The following ANKRD26 variants were observed in gnomAD, a reference collection of about 807,000 sequenced individuals.
ANKRD26 encodes ankyrin repeat domain-containing protein 26.
In ANKRD26, 141 loss-of-function variants were observed where a neutral mutation model predicts 208.7. The ratio of observed to expected loss-of-function variants is 0.68; its 90% confidence interval spans 0.59 to 0.78. The LOEUF (loss-of-function observed/expected upper bound fraction) is 0.78. Ranked by LOEUF, ANKRD26 falls within the 30% of genes least tolerant of loss-of-function variation. The pLI, the probability that ANKRD26 is intolerant of heterozygous loss-of-function variation, is 0.00. For synonymous variants in ANKRD26, 636 were observed against 660.4 expected (o/e 0.96, Z 0.57); for missense variants, 1,889 against 1,938.7 (o/e 0.97, Z 0.48).
chr10:27,059,529 A>G (rs2054970944), intron 15 of ANKRD26, among the ~76,000 whole-genome samples: 2 of 152,350 alleles, frequency 1.3e-5, no homozygotes, highest in African/African-American at 2.4e-5. Flanking sequence ...ACCTCTATGC[A>G]ATAATTTTTA....
At chr10:26,993,022 T>C (rs1299500244) in intron 5 of ANKRD26, among the ~76,000 whole-genome samples, 2 of 152,210 alleles carry the variant, frequency 1.3e-5, no homozygotes, top group African/African-American at 4.8e-5. Context: ...GTGTCTATCA[T>C]TTAGGACCTT....
chr10:26,978,413 G>A (rs1319459869), intron 5 of ANKRD26, among the ~76,000 whole-genome samples: 1 of 152,144 alleles, frequency 6.6e-6, no homozygotes, highest in East Asian at 1.9e-4. Context: ...CCAAGATCAT[G>A]CCACTGCACT....
the ANKRD26 span, among the ~76,000 whole-genome samples, chr10:26,951,019 C>CTTTTTTTTTTTTTTTT: frequency 8.9e-4 from 43 of 48,514 alleles, no homozygotes; most frequent in Non-Finnish European, 1.7e-3. Flanking sequence ...TTTTCTTTTT[C>CTTTTTTTTTTTTTTTT]TTTTTTTTTT....
intron 27 of ANKRD26, among the ~76,000 whole-genome samples, chr10:27,026,631 G>C (rs1190037838): frequency 1.3e-5 from 2 of 152,078 alleles, no homozygotes; most frequent in African/African-American, 4.8e-5. Flanking sequence ...GCAACCTTCT[G>C]ATCTTCATTT....
chr10:27,023,224 G>C (rs1221216895), intron 28 of ANKRD26, among the ~76,000 whole-genome samples: 1 of 152,032 alleles, frequency 6.6e-6, no homozygotes, highest in Non-Finnish European at 1.5e-5. Flanking sequence ...AGCTATTCAG[G>C]AGGCTGAGTT....
In ANKRD26 at chr10:27,053,319, C is replaced by T; in HGVS notation, c.1635+1G>A. 1 of 1,598,614 alleles carries T rather than the reference C, an allele frequency of 6.3e-7. No individual in the cohort carries two copies. The highest frequency in any genetic ancestry group is 8.6e-7 in the Non-Finnish European group (1 of 1,168,634). ...CAGAAATTTTTAAAAATATATAATA[C>T]CTGTGGCTGGTTATTTTCACTCCCT... On this transcript the variant is annotated splice_donor_variant, in intron 16 of 33. Coordinates refer to ENST00000376087, the MANE Select transcript of ANKRD26 (RefSeq NM_014915.3). LOFTEE classifies it high-confidence loss of function.
downstream of ANKRD26, among the ~76,000 whole-genome samples, chr10:26,990,714 G>A (rs1041778061): frequency 1.1e-4 from 16 of 152,128 alleles, no homozygotes; most frequent in Non-Finnish European, 2.2e-4. Context: ...TGTCTCCAGA[G>A]TGGAAATTTT....
rs754794673 is a variant in ANKRD26 at position 27,061,156 on chromosome 10, C to T, written c.1450G>A (p.Val484Ile). 6 of 1,609,444 alleles carry T rather than the reference C, an allele frequency of 3.7e-6. No individual in the cohort carries two copies. Among genetic ancestry groups the T allele is most frequent in the South Asian group, 1.1e-5 (1 of 91,004 alleles). ...TTTTTTTCCATACCCATGTGGGCTA[C>T]TGGCATGCCTACATTTCTTGTATCC... is the stretch of plus-strand genomic sequence containing the variant. Reference protein sequence around the residue: ...LEDTRNVGMPVAHMESPERYL... With the variant: ...LEDTRNVGMPIAHMESPERYL... The change falls in exon 13 of 34, where the codon GTA becomes ATA. Residue 484 changes from valine to isoleucine, a missense_variant. Val to Ile is a conservative substitution (Grantham distance 29). Coordinates refer to ENST00000376087, the MANE Select transcript of ANKRD26 (RefSeq NM_014915.3).
chr10:26,964,783 G>A, the ANKRD26 span, among the ~76,000 whole-genome samples: 158 of 152,288 alleles, frequency 1.0e-3, no homozygotes, highest in African/African-American at 3.4e-3. Flanking sequence ...TTTAAGGATG[G>A]ATATTAATCA....
At chr10:27,053,641 A>G (rs1398814725) in intron 15 of ANKRD26, among the ~76,000 whole-genome samples, 2 of 152,184 alleles carry the variant, frequency 1.3e-5, no homozygotes, top group Non-Finnish European at 2.9e-5. Context: ...CTAAGTATCA[A>G]CTTAATGAGG....
chr10:27,090,071 A>G (rs141768284), intron 4 of ANKRD26, among the ~76,000 whole-genome samples: 93 of 152,322 alleles, frequency 6.1e-4, no homozygotes, highest in African/African-American at 2.2e-3. Context: ...TTAAGAAAAA[A>G]CATCAAAACT....
intron 32 of ANKRD26, among the ~76,000 whole-genome samples, chr10:27,008,010 C>T (rs539989491): frequency 3.3e-5 from 5 of 151,820 alleles, no homozygotes; most frequent in South Asian, 2.1e-4. Flanking sequence ...GAAATTAGTA[C>T]CAATTTTTTA....
the ANKRD26 span, among the ~76,000 whole-genome samples, chr10:26,960,971 C>A: frequency 6.6e-6 from 1 of 152,250 alleles, no homozygotes; most frequent in African/African-American, 2.4e-5. Flanking sequence ...GTAATCCCAG[C>A]CCTTTGGGAG....
chr10:27,058,387 G>T (rs567028662), intron 15 of ANKRD26, among the ~76,000 whole-genome samples: 1 of 152,098 alleles, frequency 6.6e-6, no homozygotes, highest in East Asian at 1.9e-4. Context: ...AGGATGTATC[G>T]TAACATCATA....
chr10:26,970,907 T>C (rs2052133190), downstream of ANKRD26, among the ~76,000 whole-genome samples: 1 of 152,092 alleles, frequency 6.6e-6, no homozygotes, highest in African/African-American at 2.4e-5. Flanking sequence ...ATTATTTAGG[T>C]TTCTAGTTTG....
chr10:26,965,966 T>C, the ANKRD26 span, among the ~76,000 whole-genome samples: 1 of 152,124 alleles, frequency 6.6e-6, no homozygotes, highest in Non-Finnish European at 1.5e-5. Context: ...TGGTGATTAT[T>C]AAAAGTCAGG....
chr10:27,079,949 A>C (rs2055842593), intron 6 of ANKRD26: 1 of 199,772 alleles, frequency 5.0e-6, no homozygotes, highest in African/African-American at 2.4e-5. Context: ...CGAGGTCAGG[A>C]GTTCAAGGCC....
intron 4 of ANKRD26, among the ~76,000 whole-genome samples, chr10:26,981,004 C>T (rs754765684): frequency 7.2e-5 from 11 of 152,264 alleles, no homozygotes; most frequent in Non-Finnish European, 1.6e-4. Flanking sequence ...CTAGGTACCA[C>T]TGAAAGTAGC....
At position 27,046,464 on chromosome 10, in the gene ANKRD26, G is replaced by A. The variant is rs540155602; in HGVS notation, c.1874C>T (p.Ser625Leu). The change falls in exon 18 of 34, where the codon TCG (serine) becomes TTG (leucine). Residue 625 changes from serine (S) to leucine (L), a missense_variant. Transcript: ENST00000376087. ...CACTGGTGAATTCACAGATTCTTTC[G>A]AGGTCCGTTTTTCTTTTTCAGTGCT... ...VKSTEKEKRTSKESVNSPVFG... is the reference protein window; with the variant it reads ...VKSTEKEKRTLKESVNSPVFG... The A allele has an allele frequency of 5.6e-6, 9 of 1,613,900 alleles. No homozygotes were observed. The highest frequency in any genetic ancestry group is 1.7e-4 in the Middle Eastern group (1 of 6,060).
Sources: gnomAD v4.1 joint callset for allele counts (sites outside exome capture counted in the v4.1 genomes callset) on GRCh38, gnomAD v4.1.1 for gene constraint, MANE v1.5 for transcripts, NCBI Gene and HGNC (gene_info 2026-07-23, HGNC 2026-07-21) for gene names.